ADGRB3: variants seen among roughly 807,000 people sequenced by gnomAD.
ADGRB3 encodes brain-specific angiogenesis inhibitor 3.
ADGRB3 carries 37 observed loss-of-function variants against 193.4 expected under a neutral mutation model. The ratio of observed to expected loss-of-function variants is 0.19; its 90% CI spans 0.15 to 0.25. ADGRB3 has a LOEUF of 0.25. ADGRB3 is among the 10% of genes least tolerant of loss of function. The pLI, the probability that ADGRB3 is intolerant of heterozygous loss-of-function variation, is 1.00. For missense variants in ADGRB3, 1,637 were observed against 1,852.9 expected (o/e 0.88, Z 2.14); for synonymous variants, 690 against 644.2 (o/e 1.07, Z -1.08).
intron 17 of ADGRB3, 45 bp from the exon 18 acceptor site, chr6:69,233,245 A>C (rs1425922244): frequency 6.2e-7 from 1 of 1,603,134 alleles, no homozygotes; most frequent in African/African-American, 1.3e-5. Context: ...TTTGGCTATC[A>C]GGCGTATTTA....
intron 3 of ADGRB3, among the ~76,000 whole-genome samples, chr6:68,663,506 T>G (rs1768720580): frequency 6.6e-6 from 1 of 151,770 alleles, no homozygotes; most frequent in Non-Finnish European, 1.5e-5. Context: ...CTTTTTAAAT[T>G]GTGTATATTT....
At chr6:68,758,691 T>C (rs1351586465) in intron 3 of ADGRB3, among the ~76,000 whole-genome samples, 2 of 152,126 alleles carry the variant, frequency 1.3e-5, no homozygotes, top group Non-Finnish European at 2.9e-5. Flanking sequence ...TATCTCCTTC[T>C]TGAAGTCATT....
intron 17 of ADGRB3, among the ~76,000 whole-genome samples, chr6:69,138,573 T>C (rs1015888710): frequency 2.6e-5 from 4 of 152,222 alleles, no homozygotes; most frequent in Non-Finnish European, 5.9e-5. Flanking sequence ...AATTATTTTC[T>C]TGGAAAAGGA....
At chr6:68,893,628 C>A (rs1582291233) in intron 3 of ADGRB3, among the ~76,000 whole-genome samples, 2 of 149,182 alleles carry the variant, frequency 1.3e-5, no homozygotes, top group Admixed American at 6.7e-5. Context: ...AAAAAAAGGA[C>A]AATAGAAAGG....
intron 14 of ADGRB3, among the ~76,000 whole-genome samples, chr6:69,048,777 C>T (rs536278154): frequency 1.3e-5 from 2 of 152,188 alleles, no homozygotes; most frequent in Admixed American, 1.3e-4. Flanking sequence ...ATAATCAGTA[C>T]AACAAGCCCC....
intron 13 of ADGRB3, among the ~76,000 whole-genome samples, chr6:69,041,098 T>C (rs1476693312): frequency 6.6e-6 from 1 of 152,186 alleles, no homozygotes; most frequent in Non-Finnish European, 1.5e-5. Flanking sequence ...CCTCCTAAGC[T>C]GCTTTGTTTC....
At chr6:68,869,813 C>T (rs1765406909) in intron 3 of ADGRB3, among the ~76,000 whole-genome samples, 3 of 152,052 alleles carry the variant, frequency 2.0e-5, no homozygotes, top group Non-Finnish European at 2.9e-5. Context: ...CTCGCTCACT[C>T]GGTCACCCAG....
At chr6:68,715,657 G>A (rs956017012) in intron 3 of ADGRB3, among the ~76,000 whole-genome samples, 2 of 151,560 alleles carry the variant, frequency 1.3e-5, no homozygotes, top group Non-Finnish European at 2.9e-5. Flanking sequence ...TAAATGTATG[G>A]GCAATTAATA....
At chr6:69,237,322 A>G (rs1020682637) in intron 19 of ADGRB3, among the ~76,000 whole-genome samples, 8 of 152,038 alleles carry the variant, frequency 5.3e-5, no homozygotes, top group Admixed American at 6.6e-5. Flanking sequence ...TATTTTATAC[A>G]TAATAGGCTG....
chr6:69,285,818 G>T (rs944227055), intron 20 of ADGRB3, among the ~76,000 whole-genome samples: 3 of 151,888 alleles, frequency 2.0e-5, no homozygotes, highest in African/African-American at 7.3e-5. Context: ...ACTCTTCCCA[G>T]CACAGACCTT....
At chr6:69,356,915 G>T (rs1372731055) in intron 28 of ADGRB3, among the ~76,000 whole-genome samples, 1 of 152,040 alleles carries the variant, frequency 6.6e-6, no homozygotes, top group East Asian at 1.9e-4. Flanking sequence ...TTGGAATATG[G>T]TCCTTTGTAG....
intron 3 of ADGRB3, among the ~76,000 whole-genome samples, chr6:68,907,132 C>A (rs1293723490): frequency 2.6e-5 from 4 of 151,886 alleles, no homozygotes; most frequent in Non-Finnish European, 1.5e-5. Flanking sequence ...TAGTTATGCT[C>A]CCAATAGCTT....
At chr6:69,171,930 T>A (rs974122727) in intron 17 of ADGRB3, among the ~76,000 whole-genome samples, 1 of 152,152 alleles carries the variant, frequency 6.6e-6, no homozygotes, top group Non-Finnish European at 1.5e-5. Context: ...TCCTTTGCAG[T>A]AAGGTATGGC....
chr6:69,385,979 T>C (rs1274514456), intron 31 of ADGRB3, among the ~76,000 whole-genome samples: 1 of 152,016 alleles, frequency 6.6e-6, no homozygotes, highest in African/African-American at 2.4e-5. Flanking sequence ...CTGAGTGCAG[T>C]AGTTTTTTAC....
chr6:69,172,469 C>T (rs1775296679), intron 17 of ADGRB3, among the ~76,000 whole-genome samples: 1 of 151,204 alleles, frequency 6.6e-6, no homozygotes, highest in African/African-American at 2.4e-5. Flanking sequence ...CGGTGAAACC[C>T]CGTCTCTACT....
intron 17 of ADGRB3, among the ~76,000 whole-genome samples, chr6:69,191,909 T>C (rs941696517): frequency 1.3e-5 from 2 of 152,166 alleles, no homozygotes; most frequent in African/African-American, 4.8e-5. Context: ...AACCGTTAAG[T>C]GACTGTTTAT....
chr6:68,903,964 C>A (rs1456605459), intron 3 of ADGRB3, among the ~76,000 whole-genome samples: 2 of 131,326 alleles, frequency 1.5e-5, no homozygotes, highest in African/African-American at 2.9e-5. Context: ...CCATTACACT[C>A]AAGCCAGGTG....
chr6:68,871,366 A>C (rs1460546250), intron 3 of ADGRB3, among the ~76,000 whole-genome samples: 1 of 152,184 alleles, frequency 6.6e-6, no homozygotes, highest in Non-Finnish European at 1.5e-5. Context: ...GACTTGCATT[A>C]ATTCCCTTTC....
chr6:68,936,695 A>C lies in ADGRB3; in HGVS notation c.1030+15A>C, dbSNP rs1767493797. The C allele has an allele frequency of 6.2e-6, 10 of 1,605,394 alleles. No homozygotes were observed. In the East Asian group the frequency reaches 1.1e-4, roughly 18 times the overall value. On this transcript the variant is annotated intron_variant, in intron 5 of 31. Transcript: ENST00000370598. ...CCTCTGTCCAGGTAGTGTTAGCAGC[A>C]ACTACAACTGTGGATGTTATTGAAT...
Sources: allele counts gnomAD v4.1 joint callset (sites outside exome capture counted in the v4.1 genomes callset), GRCh38; gene constraint gnomAD v4.1.1; transcripts MANE v1.5; gene names NCBI Gene and HGNC (gene_info 2026-07-23, HGNC 2026-07-21).